Variants in ZFPM2 observed in about 807,000 individuals in gnomAD.
ZFPM2 encodes the protein zinc finger protein ZFPM2.
Under a neutral mutation model 98.6 loss-of-function variants are expected in ZFPM2, and 20 were observed. The observed-to-expected ratio is 0.20, with a 90% CI of 0.14 to 0.29. The LOEUF (loss-of-function observed/expected upper bound fraction) is 0.29, where lower values mean the gene tolerates loss of function less well. ZFPM2 is among the 10% of genes least tolerant of loss of function. The probability of loss-of-function intolerance (pLI) is 1.00; values close to 1 mark genes in which losing one functional copy is unlikely to be tolerated. For synonymous variants in ZFPM2, 518 were observed against 502.7 expected (o/e 1.03, Z -0.41); for missense variants, 1,310 against 1,388.6 (o/e 0.94, Z 0.90).
chr8:105,378,230 A>T lies in ZFPM2; in HGVS notation c.41-40914A>T, dbSNP rs369582462. ...GAGCTTTATGGTAATGAATGTGAAG[A>T]AGAACTGGGGGTGAACTAAGAATTA... On this transcript the variant is annotated intron_variant, in intron 1 of 7. Coordinates refer to ENST00000407775, the MANE Select transcript of ZFPM2 (RefSeq NM_012082.4). Among the ~76,000 whole-genome samples, 61 of 152,322 alleles carry T rather than the reference A, an allele frequency of 4.0e-4. No individual in the cohort carries two copies. The East Asian group carries it at 5.0e-3, about 13-fold the overall frequency.
intron 5 of ZFPM2, among the ~76,000 whole-genome samples, chr8:105,757,762 C>T: frequency 6.6e-6 from 1 of 152,094 alleles, no homozygotes; most frequent in South Asian, 2.1e-4. Context: ...TCTACTTTCA[C>T]CTCCTTTGAT....
intron 3 of ZFPM2, among the ~76,000 whole-genome samples, chr8:105,525,335 C>G (rs190425552): frequency 5.6e-4 from 86 of 152,248 alleles, no homozygotes; most frequent in African/African-American, 2.0e-3. Flanking sequence ...AGAAAATAAG[C>G]CTTACCAAGT....
chr8:105,673,982 T>G (rs1817643741), intron 5 of ZFPM2, among the ~76,000 whole-genome samples: 1 of 152,200 alleles, frequency 6.6e-6, no homozygotes, highest in Non-Finnish European at 1.5e-5. Context: ...AAAGAAGTGT[T>G]AAATGAAATC....
At chr8:105,414,063 AG>A (rs1811631712) in intron 1 of ZFPM2, among the ~76,000 whole-genome samples, 1 of 151,970 alleles carries the variant, frequency 6.6e-6, no homozygotes, top group Admixed American at 6.6e-5. Context: ...TCATTTTGCT[AG>A]GTGGCTAGTC....
At chr8:105,577,158 A>G (rs528310519) in intron 4 of ZFPM2, among the ~76,000 whole-genome samples, 5 of 152,198 alleles carry the variant, frequency 3.3e-5, no homozygotes, top group African/African-American at 7.2e-5. Flanking sequence ...AGCATGTTCC[A>G]TAAGTCAGGA....
At chr8:105,672,949 G>A (rs535200432) in intron 5 of ZFPM2, among the ~76,000 whole-genome samples, 4 of 152,148 alleles carry the variant, frequency 2.6e-5, no homozygotes, top group African/African-American at 7.2e-5. Flanking sequence ...ATTCTAATTC[G>A]GATTGCTGTC....
rs1329225557 is a variant in ZFPM2 at position 105,524,358 on chromosome 8, A to G, written c.302-37005A>G. On this transcript the variant is annotated intron_variant, in intron 3 of 7. Transcript: ENST00000407775. ...TCCATCATTTGCAGAGTGAATGAGTAAATAAGTGAAAGATGCCTAAACTAT... is the reference window on the plus strand; with the variant it reads ...TCCATCATTTGCAGAGTGAATGAGTGAATAAGTGAAAGATGCCTAAACTAT... Among the ~76,000 whole-genome samples the G allele has an allele frequency of 2.6e-5, 4 of 152,140 alleles. No homozygotes were observed. In the South Asian group the frequency reaches 6.2e-4, roughly 24 times the overall value.
At chr8:105,418,648 T>C (rs754380202) in intron 1 of ZFPM2, 6 of 514,868 alleles carry the variant, frequency 1.2e-5, no homozygotes, top group Admixed American at 6.0e-5. Flanking sequence ...AATGAAATCT[T>C]TTCTCAGAAT....
At chr8:105,650,313 T>G (rs1817144808) in intron 5 of ZFPM2, among the ~76,000 whole-genome samples, 2 of 152,126 alleles carry the variant, frequency 1.3e-5, no homozygotes, top group Admixed American at 6.5e-5. Flanking sequence ...TTTGTTGATC[T>G]TCTCAAAAAA....
chr8:105,333,488 G>GAAGGC (rs1488551744), intron 1 of ZFPM2, among the ~76,000 whole-genome samples: 4 of 151,738 alleles, frequency 2.6e-5, no homozygotes, highest in Non-Finnish European at 5.9e-5. Flanking sequence ...TCACTAGCAA[G>GAAGGC]AAGGCAAAGT....
rs1811627849 is a variant in ZFPM2 at position 105,720,216 on chromosome 8, A to C, written c.533-68502A>C. Among the ~76,000 whole-genome samples the C allele has an allele frequency of 2.0e-5, 3 of 151,960 alleles. No individual in the cohort carries two copies. In the South Asian group the frequency reaches 6.2e-4, roughly 32 times the overall value. ...ATAAATAATGCAATTTATTATTCAT[A>C]CGATTCTGCTCATGTCCTTATGAGC... On this transcript the variant is annotated intron_variant, in intron 5 of 7. Transcript: ENST00000407775.
intron 5 of ZFPM2, among the ~76,000 whole-genome samples, chr8:105,732,135 GC>G (rs1351935103): frequency 6.6e-6 from 1 of 151,610 alleles, no homozygotes; most frequent in Non-Finnish European, 1.5e-5. Flanking sequence ...AAAAATGGCA[GC>G]TGTCCCCCTA....
At chr8:105,660,607 ATCTC>A (rs985582775) in intron 5 of ZFPM2, among the ~76,000 whole-genome samples, 6 of 152,168 alleles carry the variant, frequency 3.9e-5, no homozygotes, top group South Asian at 2.1e-4. Flanking sequence ...ATCTATATCT[ATCTC>A]TATATACACA....
At chr8:105,670,741 C>T (rs1393248774) in intron 5 of ZFPM2, among the ~76,000 whole-genome samples, 1 of 152,112 alleles carries the variant, frequency 6.6e-6, no homozygotes, top group Non-Finnish European at 1.5e-5. Flanking sequence ...TCTTTTACTT[C>T]TTGGGCAGTT....
chr8:105,769,814 C>T (rs962555666), intron 5 of ZFPM2, among the ~76,000 whole-genome samples: 1 of 151,920 alleles, frequency 6.6e-6, no homozygotes, highest in Non-Finnish European at 1.5e-5. Flanking sequence ...ATCTTCCACT[C>T]CCTAATTTCT....
At chr8:105,463,305 A>ACACATATAT (rs1412237469) in intron 3 of ZFPM2, among the ~76,000 whole-genome samples, 3 of 151,796 alleles carry the variant, frequency 2.0e-5, no homozygotes, top group Non-Finnish European at 4.4e-5. Context: ...GTATATATAT[A>ACACATATAT]CACATATATA....
At chr8:105,638,362 C>G (rs1207552755) in intron 5 of ZFPM2, among the ~76,000 whole-genome samples, 2 of 152,060 alleles carry the variant, frequency 1.3e-5, no homozygotes, top group East Asian at 3.9e-4. Flanking sequence ...TATGCTGCCA[C>G]AAAAGAGTGG....
chr8:105,685,391 A>G (rs1219056798), intron 5 of ZFPM2, among the ~76,000 whole-genome samples: 1 of 152,124 alleles, frequency 6.6e-6, no homozygotes, highest in East Asian at 1.9e-4. Context: ...CAGCAAGGGG[A>G]CCATGAGTTG....
At chr8:105,515,200 C>G (rs1813894474) in intron 3 of ZFPM2, among the ~76,000 whole-genome samples, 1 of 152,138 alleles carries the variant, frequency 6.6e-6, no homozygotes, top group South Asian at 2.1e-4. Flanking sequence ...GTATTAATTT[C>G]AAATAGGAAG....
Sources: gnomAD v4.1 joint callset for allele counts (sites outside exome capture counted in the v4.1 genomes callset) on GRCh38, gnomAD v4.1.1 for gene constraint, MANE v1.5 for transcripts, NCBI Gene and HGNC (gene_info 2026-07-23, HGNC 2026-07-21) for gene names.